Variants in PRDM16 observed in about 807,000 individuals in gnomAD.
PRDM16 encodes the protein PR/SET domain 16.
A neutral mutation model predicts 110.6 loss-of-function variants in PRDM16; 23 were observed. The observed-to-expected ratio is 0.21, with a 90% CI of 0.15 to 0.29. The LOEUF (loss-of-function observed/expected upper bound fraction) is 0.29. Ranked by LOEUF, PRDM16 falls within the 10% of genes least tolerant of loss-of-function variation. PRDM16 has a pLI of 1.00. For missense variants in PRDM16, 1,615 were observed against 1,794.3 expected, an observed-to-expected ratio of 0.90 and a Z score of 1.81; for synonymous variants, 799 against 781.8, an observed-to-expected ratio of 1.02 and a Z score of -0.37.
At chr1:3,188,610 C>T (rs948492311) in intron 2 of PRDM16, among the ~76,000 whole-genome samples, 28 of 152,250 alleles carry the variant, frequency 1.8e-4, no homozygotes, top group African/African-American at 6.8e-4. Flanking sequence ...TTACTCTCCC[C>T]CCGACGCCCT....
Position 3,358,764 on chromosome 1 carries a change from G to T in PRDM16, c.439-26388G>T, listed in dbSNP as rs1274657123. On this transcript the variant is annotated intron_variant, in intron 3 of 16. Transcript: ENST00000270722. This position sits in a 1 kb window ranked among gnomAD's most constrained non-coding sequence, Gnocchi z 4.0. ...GCTCCAAACCCAGGACACTGTGTGT[G>T]AGTCCCACCTCCTTCCAGTCTCCAC... 4.6e-5 allele frequency among the ~76,000 whole-genome samples: 7 copies of T among 152,218 alleles called. No homozygotes were observed. Among genetic ancestry groups the T allele is most frequent in the African/African-American group, 1.7e-4 (7 of 41,460 alleles).
intron 1 of PRDM16, among the ~76,000 whole-genome samples, chr1:3,073,638 C>T (rs948212110): frequency 1.3e-5 from 2 of 152,208 alleles, no homozygotes; most frequent in African/African-American, 4.8e-5. Context: ...CCGAGGGCTG[C>T]AGACGGCGTG....
chr1:3,228,124 TC>T (rs1393369850), intron 2 of PRDM16, among the ~76,000 whole-genome samples: 2 of 152,240 alleles, frequency 1.3e-5, no homozygotes, highest in African/African-American at 4.8e-5. Flanking sequence ...GCGGGGGTCC[TC>T]CCTCTTCTGA....
At chr1:3,411,332 G>A in intron 8 of PRDM16, 52 bp from the exon 9 acceptor site, 4 of 1,553,530 alleles carry the variant, frequency 2.6e-6, no homozygotes, top group Non-Finnish European at 3.5e-6. Flanking sequence ...TTTTCAGCAG[G>A]GTTTCCCGGT....
chr1:3,096,652 C>G (rs879619970), intron 1 of PRDM16, among the ~76,000 whole-genome samples: 2 of 152,184 alleles, frequency 1.3e-5, no homozygotes, highest in Non-Finnish European at 2.9e-5. Context: ...GACTCCCTCT[C>G]CTGCCCCTGG....
In PRDM16 at chr1:3,234,047, C is replaced by A. The variant is rs907925000; in HGVS notation, c.388-10040C>A. The stretch of plus-strand genomic sequence containing the variant: ...GCCTGGAGCCCTCGGCTCCTTGACG[C>A]TCCCACCAGGCTGGATGTGACTTTC... On this transcript the variant is annotated intron_variant, in intron 2 of 16. Transcript: ENST00000270722. Among the ~76,000 whole-genome samples, 12 of 152,118 alleles carry A rather than the reference C, an allele frequency of 7.9e-5. No individual in the cohort carries two copies. In the East Asian group the frequency reaches 2.1e-3, roughly 27 times the overall value.
intron 1 of PRDM16, among the ~76,000 whole-genome samples, chr1:3,184,182 T>A (rs1292897300): frequency 6.6e-6 from 1 of 152,242 alleles, no homozygotes; most frequent in East Asian, 1.9e-4. Context: ...TAAAACATAA[T>A]AATTACTTCT....
At chr1:3,261,909 G>A (rs1468711460) in intron 3 of PRDM16, among the ~76,000 whole-genome samples, 1 of 152,202 alleles carries the variant, frequency 6.6e-6, no homozygotes, top group Admixed American at 6.5e-5. Context: ...GAGGCAATAG[G>A]AAGAGAAAGG....
intron 11 of PRDM16, 21 bp from the exon 12 acceptor site, chr1:3,418,646 C>T (rs1638340536): frequency 1.3e-6 from 2 of 1,553,880 alleles, no homozygotes; most frequent in African/African-American, 1.4e-5. Flanking sequence ...CCCTCACCCT[C>T]CCCACCTCCC....
chr1:3,110,693 C>T (rs1642771971), intron 1 of PRDM16, among the ~76,000 whole-genome samples: 1 of 152,246 alleles, frequency 6.6e-6, no homozygotes, highest in African/African-American at 2.4e-5. Flanking sequence ...GTTAGGATGT[C>T]AAGATCAGCT....
At chr1:3,266,875 G>A (rs935391263) in intron 3 of PRDM16, among the ~76,000 whole-genome samples, 1 of 152,018 alleles carries the variant, frequency 6.6e-6, no homozygotes, top group Non-Finnish European at 1.5e-5. Flanking sequence ...ACCGGATTTT[G>A]CCGTGTTGTC....
At chr1:3,170,018 A>G (rs1393733423) in intron 1 of PRDM16, among the ~76,000 whole-genome samples, 2 of 152,248 alleles carry the variant, frequency 1.3e-5, no homozygotes, top group Non-Finnish European at 2.9e-5. Flanking sequence ...ATATTGTCAC[A>G]GGGAACAAAT....
intron 2 of PRDM16, among the ~76,000 whole-genome samples, chr1:3,228,730 C>T (rs942178962): frequency 1.3e-5 from 2 of 152,228 alleles, no homozygotes; most frequent in Non-Finnish European, 2.9e-5. Flanking sequence ...CCTAGTTCTG[C>T]AGGTGAGACC....
chr1:3,087,243 G>C (rs548031611), intron 1 of PRDM16, among the ~76,000 whole-genome samples: 1,217 of 72,908 alleles, frequency 0.017, 36 homozygotes, highest in African/African-American at 0.065. Context: ...CAGCCCCACC[G>C]GAGACCAGCC....
intron 1 of PRDM16, among the ~76,000 whole-genome samples, chr1:3,165,524 G>C (rs1323045494): frequency 1.8e-4 from 21 of 114,186 alleles, no homozygotes; most frequent in African/African-American, 3.8e-4. Flanking sequence ...TGGGCTCAGG[G>C]ACAGTGACTC....
chr1:3,187,757 G>C (rs1478266888), intron 2 of PRDM16, among the ~76,000 whole-genome samples: 4 of 152,304 alleles, frequency 2.6e-5, no homozygotes, highest in South Asian at 4.1e-4. Context: ...AGAGTCCTGT[G>C]TGGCTCCTTG....
At chr1:3,079,847 C>T (rs931022349) in intron 1 of PRDM16, among the ~76,000 whole-genome samples, 3 of 152,194 alleles carry the variant, frequency 2.0e-5, no homozygotes, top group Non-Finnish European at 2.9e-5. Context: ...TGAGAGGGCC[C>T]GCCAAGCTAC....
At chr1:3,367,828 G>T (rs1642842450) in intron 3 of PRDM16, among the ~76,000 whole-genome samples, 1 of 152,188 alleles carries the variant, frequency 6.6e-6, no homozygotes, top group South Asian at 2.1e-4. Context: ...TTAATTAAAT[G>T]GGATATGAAA....
At chr1:3,405,151 G>T (rs6424076) in intron 7 of PRDM16, among the ~76,000 whole-genome samples, 4 of 152,160 alleles carry the variant, frequency 2.6e-5, no homozygotes, top group Non-Finnish European at 5.9e-5. Flanking sequence ...TCCTCCCGCC[G>T]GTGTGGAAGG....
Sources: allele counts gnomAD v4.1 joint callset (sites outside exome capture counted in the v4.1 genomes callset), GRCh38; gene constraint gnomAD v4.1.1; non-coding constraint Gnocchi (gnomAD v3.1); transcripts MANE v1.5; gene names NCBI Gene and HGNC (gene_info 2026-07-23, HGNC 2026-07-21).